ANKRD18B: variants seen among roughly 807,000 people sequenced by gnomAD.
ANKRD18B encodes the protein ankyrin repeat domain 18B, also known as ankyrin repeat domain-containing protein 18B.
In ANKRD18B, 75 loss-of-function variants were observed where a neutral mutation model predicts 111.8. That is an observed-to-expected ratio of 0.67 (90% CI 0.56 to 0.81). ANKRD18B has a LOEUF of 0.81. Among genes scored for constraint, ANKRD18B ranks in the 40% least tolerant of loss-of-function variants. ANKRD18B has a pLI of 0.00. For synonymous variants in ANKRD18B, 356 were observed against 417.3 expected, an observed-to-expected ratio of 0.85 and a Z score of 1.79; for missense variants, 1,038 against 1,225.5, an observed-to-expected ratio of 0.85 and a Z score of 2.28.
Position 33,534,524 on chromosome 9 carries a change from A to C in ANKRD18B, c.740+17A>C. ...TTTGAGAAGGTATGTGCTTATATTA[A>C]AAGACCGGTTAATACTAAATTAAGG... On this transcript the variant is annotated intron_variant, in intron 5 of 18. Coordinates refer to ENST00000684830, the MANE Select transcript of ANKRD18B (RefSeq NM_001393611.1). 1 of 1,515,160 alleles carries C rather than the reference A, an allele frequency of 6.6e-7. No homozygotes were observed. Among genetic ancestry groups the C allele is most frequent in the South Asian group, 1.3e-5 (1 of 76,446 alleles). The allele number at this position is 1,515,160 out of a possible 1,614,324, so 93.9% of individuals were successfully genotyped here. A position where few individuals can be genotyped will look rare whatever the true frequency, so the allele number is the denominator to read the frequency against.
rs1193775580 is a variant in ANKRD18B at position 33,536,950 on chromosome 9, G to A, written c.808+5G>A. On this transcript the variant is annotated splice_donor_5th_base_variant and intron_variant, in intron 6 of 18. Coordinates refer to ENST00000684830, the MANE Select transcript of ANKRD18B (RefSeq NM_001393611.1). Reference sequence around the variant, plus strand: ...ATCTTCGAAATGACAATCAAGGTAAGACTTCTGATAGTAAATTTCTCATTT... The same window carrying A: ...ATCTTCGAAATGACAATCAAGGTAAAACTTCTGATAGTAAATTTCTCATTT... 6.8e-7 allele frequency: 1 copy of A among 1,468,156 alleles called. No individual in the cohort carries two copies. Among genetic ancestry groups the A allele is most frequent in the Admixed American group, 2.6e-5 (1 of 38,120 alleles). 90.9% of individuals were successfully genotyped at this position (1,468,156 alleles called of 1,614,324 possible). A position where few individuals can be genotyped will look rare whatever the true frequency, so the allele number is the denominator to read the frequency against.
chr9:33,569,910 T>A (rs1587279360), intron 17 of ANKRD18B, among the ~76,000 whole-genome samples: 1 of 152,288 alleles, frequency 6.6e-6, no homozygotes, highest in East Asian at 1.9e-4. Context: ...GGCAGGCACC[T>A]GTAATCCCAC....
chr9:33,555,594 C>G (rs778457766), intron 12 of ANKRD18B, 114 bp from the exon 13 acceptor site: 47 of 848,112 alleles, frequency 5.5e-5, no homozygotes, highest in Non-Finnish European at 7.0e-5. Context: ...GTAAAATGCA[C>G]TTTATACAAC....
intron 11 of ANKRD18B, among the ~76,000 whole-genome samples, chr9:33,549,334 T>A (rs7025859): frequency 0.43 from 65,705 of 151,942 alleles, 14,391 homozygotes; most frequent in Non-Finnish European, 0.48. Flanking sequence ...GAGCTGACAG[T>A]TGCTTTCCTT....
chr9:33,552,059 C>T (rs1032225798), intron 12 of ANKRD18B, among the ~76,000 whole-genome samples: 1 of 152,186 alleles, frequency 6.6e-6, no homozygotes, highest in Non-Finnish European at 1.5e-5. Flanking sequence ...ATGAATGTCA[C>T]CTATCCTTGT....
At chr9:33,542,420 T>A (rs480436) in intron 9 of ANKRD18B, among the ~76,000 whole-genome samples, 1 of 151,710 alleles carries the variant, frequency 6.6e-6, no homozygotes, top group East Asian at 1.9e-4. Context: ...TTTTACTCTG[T>A]CACCCAGGGT....
At position 33,524,404 on chromosome 9, in the gene ANKRD18B, G is replaced by T. The variant is rs2117946257; in HGVS notation, c.-86G>T. The stretch of plus-strand genomic sequence containing the variant: ...ATCGCTGGGTGGGGAGGGGGATCTC[G>T]AATTTGGAGCTGGGTGGGGGTGGAA... On this transcript the variant is annotated 5_prime_UTR_variant, in exon 1 of 19. Coordinates refer to ENST00000684830, the MANE Select transcript of ANKRD18B (RefSeq NM_001393611.1). 2 of 1,408,564 alleles carry T rather than the reference G, an allele frequency of 1.4e-6. No homozygotes were observed. The highest frequency in any genetic ancestry group is 3.0e-5 in the South Asian group (2 of 66,918). 87.3% of individuals were successfully genotyped at this position (1,408,564 alleles called of 1,614,324 possible).
chr9:33,550,145 A>G (rs1828426405), intron 11 of ANKRD18B, among the ~76,000 whole-genome samples: 1 of 152,236 alleles, frequency 6.6e-6, no homozygotes. Flanking sequence ...GGATTTCAAC[A>G]GGTGACTGAA....
At chr9:33,560,583 T>C (rs1828591938) in intron 14 of ANKRD18B, among the ~76,000 whole-genome samples, 2 of 152,256 alleles carry the variant, frequency 1.3e-5, no homozygotes, top group African/African-American at 2.4e-5. Flanking sequence ...AATATTCCAT[T>C]GTATGAATAC....
At chr9:33,527,289 C>T (rs1828037401) in intron 1 of ANKRD18B, among the ~76,000 whole-genome samples, 2 of 148,128 alleles carry the variant, frequency 1.4e-5, no homozygotes, top group Non-Finnish European at 3.0e-5. Flanking sequence ...CATGAGTTTC[C>T]TTTAGCTTCA....
Position 33,566,329 on chromosome 9 carries a change from G to C in ANKRD18B, c.2571G>C (p.Glu857Asp), listed in dbSNP as rs1028676540. Residue 857 changes from glutamate to aspartate, a missense_variant, in exon 15 of 19, where the codon GAG (glutamate) becomes GAC (aspartate). Physicochemically the swap from Glu to Asp is conservative, Grantham distance 45. Coordinates refer to ENST00000684830, the MANE Select transcript of ANKRD18B (RefSeq NM_001393611.1). ...QELLSMGKVQ[E>D]KCEKLEKDKK... Reference sequence around the variant, plus strand: ...TATTATCTATGGGAAAAGTACAAGAGAAATGTGAAAAACTTGAGAAGGATA... The same window carrying C: ...TATTATCTATGGGAAAAGTACAAGACAAATGTGAAAAACTTGAGAAGGATA... 2 of 1,564,790 alleles carry C rather than the reference G, an allele frequency of 1.3e-6. No individual in the cohort carries two copies. Among genetic ancestry groups the C allele is most frequent in the African/African-American group, 2.7e-5 (2 of 73,284 alleles).
intron 12 of ANKRD18B, among the ~76,000 whole-genome samples, chr9:33,554,301 A>G (rs966085497): frequency 1.3e-5 from 2 of 152,202 alleles, no homozygotes; most frequent in Non-Finnish European, 2.9e-5. Flanking sequence ...AGTAACATCC[A>G]TAAGAATCAA....
rs1312410340 is a variant in ANKRD18B, at chr9:33,548,464, G to T, written c.1676G>T (p.Gly559Val). The T allele has an allele frequency of 6.4e-7, 1 of 1,551,290 alleles. No homozygotes were observed. The highest frequency in any genetic ancestry group is 8.7e-7 in the Non-Finnish European group (1 of 1,146,676). ...KARVKFNTLKGKLRETRDALR... is the reference protein window; with the variant it reads ...KARVKFNTLKVKLRETRDALR... ...CGGGTGAAGTTCAATACCTTAAAAG[G>T]TAAGCTCCGTGAGACAAGAGATGCT... Residue 559 changes from glycine to valine, a missense_variant, in exon 11 of 19, where the codon GGT (glycine) becomes GTT (valine). By Grantham distance (109) the Gly-to-Val change is moderately radical. Coordinates refer to ENST00000684830, the MANE Select transcript of ANKRD18B (RefSeq NM_001393611.1).
chr9:33,564,640 C>T (rs530270436), intron 14 of ANKRD18B, among the ~76,000 whole-genome samples: 3 of 152,290 alleles, frequency 2.0e-5, no homozygotes, highest in African/African-American at 7.2e-5. Flanking sequence ...ATAGTAGCTG[C>T]ACTAATTTAC....
At chr9:33,546,997 T>C (rs1828366096) in intron 10 of ANKRD18B, among the ~76,000 whole-genome samples, 1 of 152,152 alleles carries the variant, frequency 6.6e-6, no homozygotes, top group Non-Finnish European at 1.5e-5. Context: ...CTTCACTTTT[T>C]TGATATCCCA....
At chr9:33,543,878 C>T (rs889841241) in intron 10 of ANKRD18B, among the ~76,000 whole-genome samples, 1 of 152,116 alleles carries the variant, frequency 6.6e-6, no homozygotes. Context: ...ATTTGTAAAG[C>T]GCTGTCACTA....
intron 9 of ANKRD18B, among the ~76,000 whole-genome samples, chr9:33,541,924 C>G (rs937397266): frequency 5.3e-5 from 8 of 152,076 alleles, no homozygotes; most frequent in African/African-American, 1.7e-4. Flanking sequence ...CTGGTGATGC[C>G]CCTGTCACCA....
chr9:33,566,518 G>A lies in ANKRD18B; in HGVS notation c.2742+18G>A, dbSNP rs746781414. The A allele has an allele frequency of 8.8e-6, 14 of 1,599,430 alleles. No individual in the cohort carries two copies. In the Admixed American group the frequency reaches 1.4e-4, roughly 16 times the overall value. ...ATTTACAGGTTAGTTTTTAAAATCAGGTAAGTTTATCTGTAATGGGCTTTC... is the reference window on the plus strand; with the variant it reads ...ATTTACAGGTTAGTTTTTAAAATCAAGTAAGTTTATCTGTAATGGGCTTTC... On this transcript the variant is annotated intron_variant, in intron 15 of 18. Coordinates refer to ENST00000684830, the MANE Select transcript of ANKRD18B (RefSeq NM_001393611.1).
chr9:33,526,598 AAG>A (rs1828028608), intron 1 of ANKRD18B, among the ~76,000 whole-genome samples: 1 of 152,192 alleles, frequency 6.6e-6, no homozygotes, highest in Non-Finnish European at 1.5e-5. Context: ...AAATTTTGGG[AAG>A]AGAGAAATGT....
Sources: allele counts gnomAD v4.1 joint callset (sites outside exome capture counted in the v4.1 genomes callset), GRCh38; gene constraint gnomAD v4.1.1; transcripts MANE v1.5; gene names NCBI Gene and HGNC (gene_info 2026-07-23, HGNC 2026-07-21).